Variants in PIK3R3 observed in about 807,000 individuals in gnomAD.
The protein encoded by PIK3R3 is phosphatidylinositol 3-kinase regulatory subunit gamma.
PIK3R3 carries 64 observed loss-of-function variants against 62.9 expected under a neutral mutation model. That is an observed-to-expected ratio of 1.02 (90% CI 0.83 to 1.25). The LOEUF is 1.25. Ranked by LOEUF, PIK3R3 falls within the 50% of genes most tolerant of loss-of-function variation. PIK3R3 has a pLI of 0.00. For synonymous variants in PIK3R3, 165 were observed against 189.0 expected, an observed-to-expected ratio of 0.87 and a Z score of 1.04; for missense variants, 614 against 561.6, an observed-to-expected ratio of 1.09 and a Z score of -0.94.
At chr1:46,122,620 G>C (rs749641386) in intron 1 of PIK3R3, among the ~76,000 whole-genome samples, 1 of 152,068 alleles carries the variant, frequency 6.6e-6, no homozygotes, top group East Asian at 1.9e-4. Flanking sequence ...CACCCACCTC[G>C]GCACCTCAAA....
intron 1 of PIK3R3, among the ~76,000 whole-genome samples, chr1:46,127,346 A>C (rs1178461404): frequency 8.0e-6 from 1 of 125,334 alleles, no homozygotes; most frequent in African/African-American, 2.9e-5. Context: ...CTGCCTCAAA[A>C]AAAAAAAAAA....
At chr1:46,131,737 T>C (rs1363045812) in intron 1 of PIK3R3, 110 bp downstream of exon 1, 4 of 948,180 alleles carry the variant, frequency 4.2e-6, no homozygotes, top group African/African-American at 1.7e-5. Flanking sequence ...AATCTCCTCA[T>C]CCCGAACCTA....
the PIK3R3 span, among the ~76,000 whole-genome samples, chr1:46,160,566 G>T: frequency 3.5e-4 from 54 of 152,172 alleles, no homozygotes; most frequent in Non-Finnish European, 5.3e-4. Flanking sequence ...CCATTTCTTG[G>T]CATCTCTTAA....
intron 1 of PIK3R3, among the ~76,000 whole-genome samples, chr1:46,130,640 C>T (rs1358340560): frequency 3.9e-5 from 6 of 152,042 alleles, no homozygotes; most frequent in Non-Finnish European, 7.4e-5. Flanking sequence ...AAGACAGTTA[C>T]ACTTCTTCAC....
At chr1:46,069,379 C>T (rs1324290545) in intron 3 of PIK3R3, among the ~76,000 whole-genome samples, 3 of 152,058 alleles carry the variant, frequency 2.0e-5, no homozygotes, top group South Asian at 2.1e-4. Flanking sequence ...ATTAGCCTGG[C>T]GTGGTGGAGG....
chr1:46,079,642 A>G (rs1380737445), intron 2 of PIK3R3, among the ~76,000 whole-genome samples: 2 of 152,240 alleles, frequency 1.3e-5, no homozygotes, highest in African/African-American at 4.8e-5. Context: ...TATTAGAAGT[A>G]ATAATCACAC....
Position 46,066,091 on chromosome 1 carries a change from T to C in PIK3R3, c.584A>G (p.Tyr195Cys), listed in dbSNP as rs755711838. 39 of 1,606,060 alleles carry C rather than the reference T, an allele frequency of 2.4e-5. No individual in the cohort carries two copies. The highest frequency in any genetic ancestry group is 3.0e-5 in the Non-Finnish European group (35 of 1,173,096). The change falls in exon 5 of 10, where the codon TAT (tyrosine) becomes TGT (cysteine). Residue 195 changes from tyrosine (Y) to cysteine (C), a missense_variant. By Grantham distance (194) the Tyr-to-Cys change is radical. Coordinates refer to ENST00000262741, the MANE Select transcript of PIK3R3 (RefSeq NM_003629.4). Reference sequence around the variant, plus strand: ...AGTATATTCTTCATACAGCCTATCATACTCTTTACTCTTCTCCTGATACTG... The same window carrying C: ...AGTATATTCTTCATACAGCCTATCACACTCTTTACTCTTCTCCTGATACTG... ...HSQYQEKSKEYDRLYEEYTRT... is the reference protein window; with the variant it reads ...HSQYQEKSKECDRLYEEYTRT...
chr1:46,121,049 A>G (rs1420475535), intron 1 of PIK3R3, among the ~76,000 whole-genome samples: 3 of 152,244 alleles, frequency 2.0e-5, no homozygotes, highest in African/African-American at 7.2e-5. Context: ...GCCAGTCCCA[A>G]GGATGGCAGA....
At chr1:46,085,171 C>A (rs1650946279) in intron 1 of PIK3R3, among the ~76,000 whole-genome samples, 1 of 152,218 alleles carries the variant, frequency 6.6e-6, no homozygotes. Context: ...ATTATAAAGG[C>A]AGTTGCTACA....
intron 1 of PIK3R3, among the ~76,000 whole-genome samples, chr1:46,128,109 G>C (rs1655252086): frequency 6.6e-6 from 1 of 152,112 alleles, no homozygotes; most frequent in Admixed American, 6.6e-5. Flanking sequence ...AGCAATAATA[G>C]ATAAAACTTG....
intron 3 of PIK3R3, among the ~76,000 whole-genome samples, chr1:46,073,989 G>A (rs1649793799): frequency 6.7e-6 from 1 of 149,964 alleles, no homozygotes; most frequent in South Asian, 2.1e-4. Context: ...AATGTGTTTG[G>A]TGGGCCAAAA....
At chr1:46,062,528 T>C (rs1032594679) in intron 5 of PIK3R3, among the ~76,000 whole-genome samples, 1 of 152,146 alleles carries the variant, frequency 6.6e-6, no homozygotes, top group African/African-American at 2.4e-5. Flanking sequence ...TGAGCTGAAA[T>C]TGTGCCACTG....
the PIK3R3 span, among the ~76,000 whole-genome samples, chr1:46,153,358 A>T: frequency 1.3e-5 from 2 of 152,094 alleles, no homozygotes; most frequent in Admixed American, 6.6e-5. Context: ...TTGAGTTGAG[A>T]ATAAGTTCTT....
At chr1:46,105,707 G>C (rs1264956816) in intron 1 of PIK3R3, among the ~76,000 whole-genome samples, 1 of 151,186 alleles carries the variant, frequency 6.6e-6, no homozygotes, top group African/African-American at 2.4e-5. Flanking sequence ...TACAATCCCA[G>C]CTACTCAGAA....
chr1:46,132,412 G>C lies in PIK3R3; in HGVS notation c.-460C>G. 8.7e-7 allele frequency: 1 copy of C among 1,145,348 alleles called. No individual in the cohort carries two copies. The highest frequency in any genetic ancestry group is 1.7e-5 in the South Asian group (1 of 58,006). The allele number at this position is 1,145,348 out of a possible 1,614,324, so 70.9% of individuals were successfully genotyped here. Reference sequence around the variant, plus strand: ...CAAAGGAAGGCAAAAAAGGGGGCTGGAGATTGCGTTCAAGTTTCGGGGTCC... The same window carrying C: ...CAAAGGAAGGCAAAAAAGGGGGCTGCAGATTGCGTTCAAGTTTCGGGGTCC... On this transcript the variant is annotated 5_prime_UTR_variant, in exon 1 of 10. Transcript: ENST00000262741.
rs186766004 is a variant in PIK3R3, at chr1:46,111,153, G to A, written c.106+20694C>T. ...GTACCTGCTATATGCCAGATACTGG[G>A]TGTTATTTCATTACATATATATGTG... On this transcript the variant is annotated intron_variant, in intron 1 of 9. Coordinates refer to ENST00000262741, the MANE Select transcript of PIK3R3 (RefSeq NM_003629.4). Among the ~76,000 whole-genome samples the A allele has an allele frequency of 1.5e-4, 23 of 152,080 alleles. No homozygotes were observed. In the East Asian group the frequency reaches 4.3e-3, roughly 28 times the overall value.
chr1:46,047,425 G>C (rs185850252), intron 7 of PIK3R3, among the ~76,000 whole-genome samples: 1 of 136,284 alleles, frequency 7.3e-6, no homozygotes, highest in South Asian at 2.3e-4. Context: ...GCGACAGAAC[G>C]AGACTCCATC....
the PIK3R3 span, among the ~76,000 whole-genome samples, chr1:46,162,444 C>T: frequency 6.6e-6 from 1 of 152,042 alleles, no homozygotes; most frequent in Non-Finnish European, 1.5e-5. Context: ...GCACTCCAGC[C>T]TGGGTGACAG....
At chr1:46,048,017 G>A (rs1034638375) in intron 7 of PIK3R3, 1 of 152,234 alleles carries the variant, frequency 6.6e-6, no homozygotes, top group Non-Finnish European at 1.5e-5. Context: ...CTGGCCTCAG[G>A]TGATCCGCCC....
Sources: gnomAD v4.1 joint callset for allele counts (sites outside exome capture counted in the v4.1 genomes callset) on GRCh38, gnomAD v4.1.1 for gene constraint, MANE v1.5 for transcripts, NCBI Gene and HGNC (gene_info 2026-07-23, HGNC 2026-07-21) for gene names.